Variants in KLC1 observed in about 807,000 individuals in gnomAD.
KLC1 encodes the protein kinesin light chain 1, also known as kinesin 2 60/70kDa.
A neutral mutation model predicts 84.2 loss-of-function variants in KLC1; 30 were observed. The observed-to-expected ratio is 0.36, with a 90% CI of 0.27 to 0.48. KLC1 has a LOEUF of 0.48. Among genes scored for constraint, KLC1 ranks in the 20% least tolerant of loss-of-function variants. The pLI, the probability that KLC1 is intolerant of heterozygous loss-of-function variation, is 0.99. For missense variants in KLC1, 499 were observed against 805.4 expected (o/e 0.62, Z 4.60); for synonymous variants, 289 against 293.3 (o/e 0.99, Z 0.15).
intron 15 of KLC1, 150 bp downstream of exon 15, chr14:103,692,575 G>A (rs2082183005): frequency 3.3e-6 from 2 of 600,388 alleles, no homozygotes; most frequent in Non-Finnish European, 2.9e-6. Context: ...AGTTGTGACA[G>A]TAGTATTTTT....
At position 103,679,435 on chromosome 14, in the gene KLC1, G is replaced by C. The variant is rs1286940661; in HGVS notation, c.1540G>C (p.Glu514Gln). 3 of 1,614,146 alleles carry C rather than the reference G, an allele frequency of 1.9e-6. No homozygotes were observed. Among genetic ancestry groups the C allele is most frequent in the South Asian group, 2.2e-5 (2 of 91,072 alleles). The change falls in exon 13 of 17, where the codon GAG becomes CAG. Residue 514 changes from glutamate (E) to glutamine (Q), a missense_variant. By Grantham distance (29) the Glu-to-Gln change is conservative. This residue lies in a region of KLC1 where 167 missense variants were observed against 208.8 expected (regional missense o/e 0.80). Transcript: ENST00000334553. The stretch of plus-strand genomic sequence containing the variant: ...GGTGGCAGAAGTGCTCAATGACCCT[G>C]AGAACATGGAGAAGCGCAGGAGCCG... ...QRVAEVLNDP[E>Q]NMEKRRSRES...
At chr14:103,688,501 ATC>A (rs2081916480) in intron 14 of KLC1, among the ~76,000 whole-genome samples, 1 of 152,100 alleles carries the variant, frequency 6.6e-6, no homozygotes, top group Non-Finnish European at 1.5e-5. Flanking sequence ...CCACTTTTTC[ATC>A]TCTCTCAGTA....
rs533726465 is a variant in KLC1 at position 103,694,304 on chromosome 14, C to T, written c.1848+1879C>T. 12 of 957,362 alleles carry T rather than the reference C, an allele frequency of 1.3e-5. No individual in the cohort carries two copies. In the East Asian group the frequency reaches 5.9e-4, roughly 47 times the overall value. The allele number at this position is 957,362 out of a possible 1,614,324, so 59.3% of individuals were successfully genotyped here. A position where few individuals can be genotyped will look rare whatever the true frequency, so the allele number is the denominator to read the frequency against. Reference sequence around the variant, plus strand: ...TCTAACTCTGTTGCCCAGGCTGGAGCGCAGTGGCCCAATCTCGGCCCACTG... The same window carrying T: ...TCTAACTCTGTTGCCCAGGCTGGAGTGCAGTGGCCCAATCTCGGCCCACTG... On this transcript the variant is annotated intron_variant, in intron 15 of 16. Coordinates refer to ENST00000334553, the MANE Select transcript of KLC1 (RefSeq NM_001394837.1). The surrounding 1 kb of genome is among the most constrained non-coding windows in gnomAD (Gnocchi z 4.5).
intron 1 of KLC1, among the ~76,000 whole-genome samples, chr14:103,638,162 C>T (rs1488421756): frequency 6.6e-6 from 1 of 152,140 alleles, no homozygotes; most frequent in Non-Finnish European, 1.5e-5. Context: ...TGTTGCCCAT[C>T]TCTCGGTAAA....
intron 1 of KLC1, among the ~76,000 whole-genome samples, chr14:103,652,777 C>A (rs1402889197): frequency 6.6e-6 from 1 of 152,232 alleles, no homozygotes; most frequent in African/African-American, 2.4e-5. Context: ...AGGCATGAGC[C>A]ACCGTGCCCG....
intron 1 of KLC1, among the ~76,000 whole-genome samples, chr14:103,650,393 G>T (rs984064219): frequency 6.6e-5 from 10 of 152,222 alleles, no homozygotes; most frequent in African/African-American, 2.2e-4. Context: ...GCTAGGCATT[G>T]TTTTGGCTGA....
At chr14:103,659,732 C>T (rs867206416) in intron 3 of KLC1, among the ~76,000 whole-genome samples, 2 of 152,116 alleles carry the variant, frequency 1.3e-5, no homozygotes, top group South Asian at 4.1e-4. Flanking sequence ...TGCGTAGCAC[C>T]AGCAAACCTG....
chr14:103,655,654 G>A (rs1458138444), intron 2 of KLC1, among the ~76,000 whole-genome samples: 2 of 151,622 alleles, frequency 1.3e-5, no homozygotes, highest in Non-Finnish European at 2.9e-5. Context: ...CGCCGCCCAG[G>A]CTGGAGTGCA....
At chr14:103,651,109 A>G (rs185182518) in intron 1 of KLC1, among the ~76,000 whole-genome samples, 1 of 152,158 alleles carries the variant, frequency 6.6e-6, no homozygotes, top group African/African-American at 2.4e-5. Context: ...TCCTGAGTTC[A>G]AGTGATTCTC....
intron 2 of KLC1, 91 bp from the exon 3 acceptor site, chr14:103,657,455 C>T: frequency 1.1e-6 from 1 of 928,372 alleles, no homozygotes; most frequent in Non-Finnish European, 1.7e-6. Context: ...CGAGTGTAAG[C>T]TACAGCCCCA....
intron 15 of KLC1, chr14:103,696,491 G>C: frequency 1.0e-6 from 1 of 985,266 alleles, no homozygotes; most frequent in Non-Finnish European, 1.2e-6. Context: ...TGTATAACAG[G>C]TTTTCCATTG....
chr14:103,693,858 G>A lies in KLC1; in HGVS notation c.1848+1433G>A. 1 of 1,369,864 alleles carries A rather than the reference G, an allele frequency of 7.3e-7. No individual in the cohort carries two copies. The allele number at this position is 1,369,864 out of a possible 1,614,324, so 84.9% of individuals were successfully genotyped here. A position where few individuals can be genotyped will look rare whatever the true frequency, so the allele number is the denominator to read the frequency against. On this transcript the variant is annotated intron_variant, in intron 15 of 16. Coordinates refer to ENST00000334553, the MANE Select transcript of KLC1 (RefSeq NM_001394837.1). This position sits in a 1 kb window ranked among gnomAD's most constrained non-coding sequence, Gnocchi z 5.1. The stretch of plus-strand genomic sequence containing the variant: ...CCCCGACCGCGACCCGGCCAGGCTG[G>A]CTCAGGGAGGCCGAGGTGGCGCTGA...
chr14:103,694,512 A>G lies in KLC1; in HGVS notation c.1848+2087A>G. On this transcript the variant is annotated intron_variant, in intron 15 of 16. Coordinates refer to ENST00000334553, the MANE Select transcript of KLC1 (RefSeq NM_001394837.1). The surrounding 1 kb of genome is among the most constrained non-coding windows in gnomAD (Gnocchi z 4.5). ...AGGGAGCACGGTGGACTCTGACAGG[A>G]ACCTTTTCAAATCAATGCTGAGGCT... The G allele has an allele frequency of 1.0e-6, 1 of 985,500 alleles. No homozygotes were observed. Among genetic ancestry groups the G allele is most frequent in the Non-Finnish European group, 1.2e-6 (1 of 829,956 alleles). 61.0% of individuals were successfully genotyped at this position (985,500 alleles called of 1,614,324 possible). A position where few individuals can be genotyped will look rare whatever the true frequency, so the allele number is the denominator to read the frequency against.
At chr14:103,661,706 G>C (rs2079306877) in intron 3 of KLC1, among the ~76,000 whole-genome samples, 1 of 152,164 alleles carries the variant, frequency 6.6e-6, no homozygotes, top group African/African-American at 2.4e-5. Context: ...CGATTGTGGT[G>C]GTGAGGAATC....
intron 6 of KLC1, 56 bp from the exon 7 acceptor site, chr14:103,670,126 T>G (rs2080250256): frequency 4.6e-6 from 5 of 1,094,548 alleles, no homozygotes; most frequent in Non-Finnish European, 6.5e-6. Context: ...GGTGTATAAA[T>G]GTACTCTTAT....
chr14:103,673,804 TC>T (rs770056260), intron 9 of KLC1, among the ~76,000 whole-genome samples: 1 of 151,910 alleles, frequency 6.6e-6, no homozygotes, highest in Non-Finnish European at 1.5e-5. Flanking sequence ...CCGCCTGTAG[TC>T]CCAGCTACTC....
intron 1 of KLC1, among the ~76,000 whole-genome samples, chr14:103,636,526 G>A (rs1021760653): frequency 2.6e-5 from 4 of 151,492 alleles, no homozygotes; most frequent in African/African-American, 7.3e-5. Flanking sequence ...GGCCTTGCCT[G>A]TCTTTTTCAT....
intron 12 of KLC1, among the ~76,000 whole-genome samples, chr14:103,678,791 A>G (rs1301075754): frequency 6.6e-6 from 1 of 152,242 alleles, no homozygotes; most frequent in South Asian, 2.1e-4. Flanking sequence ...CCAGACAAAA[A>G]GACAACCCAG....
chr14:103,694,491 A>G lies in KLC1; in HGVS notation c.1848+2066A>G. ...AAGCTTAAGCTTTATGGAATGAGGG[A>G]GCACGGTGGACTCTGACAGGAACCT... On this transcript the variant is annotated intron_variant, in intron 15 of 16. Transcript: ENST00000334553. This position sits in a 1 kb window ranked among gnomAD's most constrained non-coding sequence, Gnocchi z 4.5. 1 of 985,510 alleles carries G rather than the reference A, an allele frequency of 1.0e-6. No individual in the cohort carries two copies. Among genetic ancestry groups the G allele is most frequent in the Non-Finnish European group, 1.2e-6 (1 of 829,964 alleles). 61.0% of individuals were successfully genotyped at this position (985,510 alleles called of 1,614,324 possible).
Sources: allele counts gnomAD v4.1 joint callset (sites outside exome capture counted in the v4.1 genomes callset), GRCh38; gene constraint gnomAD v4.1.1; regional missense constraint gnomAD v4.1.1; non-coding constraint Gnocchi (gnomAD v3.1); transcripts MANE v1.5; gene names NCBI Gene and HGNC (gene_info 2026-07-23, HGNC 2026-07-21).